TET3: variants seen among roughly 807,000 people sequenced by gnomAD.
TET3 encodes methylcytosine dioxygenase TET3.
TET3 carries 19 observed loss-of-function variants against 141.4 expected under a neutral mutation model. The ratio of observed to expected loss-of-function variants is 0.13; its 90% confidence interval spans 0.09 to 0.20. The LOEUF is 0.20. Ranked by LOEUF, TET3 falls within the 10% of genes least tolerant of loss-of-function variation. The probability of loss-of-function intolerance (pLI) is 1.00; values close to 1 mark genes in which losing one functional copy is unlikely to be tolerated. For missense variants in TET3, 1,874 were observed against 2,356.9 expected (o/e 0.80, Z 4.24); for synonymous variants, 1,043 against 980.9 (o/e 1.06, Z -1.18).
At chr2:74,014,560 TTTC>T (rs1248635837) in intron 3 of TET3, among the ~76,000 whole-genome samples, 1 of 152,198 alleles carries the variant, frequency 6.6e-6, no homozygotes, top group Non-Finnish European at 1.5e-5. Context: ...GGAATTTTTT[TTTC>T]TTTTTCTTTT....
rs142530687 is a variant in TET3, at chr2:74,017,375, T to G, written c.360+14209T>G. On this transcript the variant is annotated intron_variant, in intron 3 of 11. Transcript: ENST00000409262. Reference sequence around the variant, plus strand: ...GTGCTGTTTAATGTGTTAACCAACCTTTGGGTATTTCCCCTGCACCCCTGC... The same window carrying G: ...GTGCTGTTTAATGTGTTAACCAACCGTTGGGTATTTCCCCTGCACCCCTGC... Among the ~76,000 whole-genome samples, 14 of 152,302 alleles carry G rather than the reference T, an allele frequency of 9.2e-5. 1 individual carries two copies. The East Asian group carries it at 2.5e-3, about 27-fold the overall frequency.
At chr2:74,012,379 C>CT (rs1291416184) in intron 3 of TET3, among the ~76,000 whole-genome samples, 1 of 152,252 alleles carries the variant, frequency 6.6e-6, no homozygotes, top group Non-Finnish European at 1.5e-5. Context: ...TTGTAGCACA[C>CT]TTTCCTCTGT....
intron 4 of TET3, among the ~76,000 whole-genome samples, chr2:74,061,857 T>A (rs1688609280): frequency 7.7e-6 from 1 of 129,072 alleles, no homozygotes; most frequent in Non-Finnish European, 1.6e-5. Flanking sequence ...ACTTCCTACA[T>A]GGGATGGCGG....
At chr2:73,994,228 CAG>C (rs1684467845) in intron 2 of TET3, among the ~76,000 whole-genome samples, 1 of 152,136 alleles carries the variant, frequency 6.6e-6, no homozygotes, top group Non-Finnish European at 1.5e-5. Flanking sequence ...TGAAATCTGT[CAG>C]AGTGGTCACA....
At chr2:74,032,407 G>T (rs993162361) in intron 3 of TET3, among the ~76,000 whole-genome samples, 3 of 91,822 alleles carry the variant, frequency 3.3e-5, no homozygotes, top group African/African-American at 1.9e-4. Context: ...CGTGCACCAT[G>T]GGGCTTGGGC....
rs377022405 is a variant in TET3 at position 74,066,505 on chromosome 2, A to T, written c.2495-7044A>T. Among the ~76,000 whole-genome samples the T allele has an allele frequency of 1.6e-4, 25 of 152,330 alleles. 1 individual carries two copies. The East Asian group carries it at 3.7e-3, about 22-fold the overall frequency. ...ATTTGTACATGTATACTAGTTTGAT[A>T]ACTTTGTTGTAAGTCAGCAACTTTG... On this transcript the variant is annotated intron_variant, in intron 4 of 11. Transcript: ENST00000409262.
At chr2:74,033,344 G>T (rs1282986353) in intron 3 of TET3, among the ~76,000 whole-genome samples, 1 of 152,150 alleles carries the variant, frequency 6.6e-6, no homozygotes, top group Non-Finnish European at 1.5e-5. Flanking sequence ...GAATTGAACT[G>T]TTAAATTGGG....
rs1321504795 is a variant in TET3, at chr2:74,061,839, C to A, written c.2495-11710C>A. Among the ~76,000 whole-genome samples the A allele has an allele frequency of 2.9e-5, 4 of 138,660 alleles. No homozygotes were observed. The South Asian group carries it at 8.8e-4, about 30-fold the overall frequency. 91.0% of individuals were successfully genotyped at this position (138,660 alleles called of 152,430 possible). On this transcript the variant is annotated intron_variant, in intron 4 of 11. Coordinates refer to ENST00000409262, the MANE Select transcript of TET3 (RefSeq NM_001287491.2). ...CAGACGATGGGCGGCCGGGCAGAGA[C>A]GCTCCTCACTTCCTACATGGGATGG...
At position 74,047,263 on chromosome 2, in the gene TET3, C is replaced by T; in HGVS notation, c.1346C>T (p.Ser449Phe). 1 of 1,614,040 alleles carries T rather than the reference C, an allele frequency of 6.2e-7. No individual in the cohort carries two copies. Among genetic ancestry groups the T allele is most frequent in the Non-Finnish European group, 8.5e-7 (1 of 1,179,904 alleles). ...ACCCCTCCAGCAACGCCCCGGAGCT[C>T]CTGGCCCATGCCTCGCCCAAGCCCC... Reference protein sequence around the residue: ...TDTPPATPRSSWPMPRPSPDP... With the variant: ...TDTPPATPRSFWPMPRPSPDP... Residue 449 changes from serine (S) to phenylalanine (F), a missense_variant, in exon 4 of 12, where the codon TCC (serine) becomes TTC (phenylalanine). Around this residue, in one of 10 missense-constraint regions of TET3, gnomAD observed 484 missense variants for 462.2 expected, o/e 1.05. Transcript: ENST00000409262.
In TET3 at chr2:74,047,413, C is replaced by G. The variant is rs200362611; in HGVS notation, c.1496C>G (p.Pro499Arg). Residue 499 changes from proline to arginine, a missense_variant, in exon 4 of 12, where the codon CCG becomes CGG. This residue lies in a region of TET3 where 484 missense variants were observed against 462.2 expected (regional missense o/e 1.05). Transcript: ENST00000409262. Reference protein sequence around the residue: ...KVKVEAPSSSPAPAPSPVLQR... With the variant: ...KVKVEAPSSSRAPAPSPVLQR... ...AAGGTGGAGGCACCCTCTTCCTCCC[C>G]GGCCCCGGCCCCATCCCCTGTACTT... The G allele has an allele frequency of 9.9e-5, 160 of 1,612,572 alleles. No homozygotes were observed. The East Asian group carries it at 2.8e-3, about 28-fold the overall frequency.
At chr2:74,012,704 C>T (rs1685523387) in intron 3 of TET3, among the ~76,000 whole-genome samples, 1 of 152,198 alleles carries the variant, frequency 6.6e-6, no homozygotes. Flanking sequence ...GAGTAGAGGA[C>T]ATCCTTTTCC....
At position 74,046,218 on chromosome 2, in the gene TET3, A is replaced by C; in HGVS notation, c.361-60A>C. ...GCACCTGAGTGGTATGAAGCAGGGA[A>C]ATGCTTTTCAAATAGTGTGGTTCAT... On this transcript the variant is annotated intron_variant, in intron 3 of 11. Coordinates refer to ENST00000409262, the MANE Select transcript of TET3 (RefSeq NM_001287491.2). This position sits in a 1 kb window ranked among gnomAD's most constrained non-coding sequence, Gnocchi z 4.3. The C allele has an allele frequency of 7.0e-7, 1 of 1,435,786 alleles. No homozygotes were observed. The highest frequency in any genetic ancestry group is 1.4e-5 in the African/African-American group (1 of 70,232). 88.9% of individuals were successfully genotyped at this position (1,435,786 alleles called of 1,614,324 possible).
chr2:74,110,399 G>A (rs973025818), downstream of TET3, among the ~76,000 whole-genome samples: 3 of 152,120 alleles, frequency 2.0e-5, no homozygotes, highest in African/African-American at 7.2e-5. Flanking sequence ...TCTTAAGCTT[G>A]GAGAGCTGTT....
rs746535096 is a variant in TET3 at position 74,090,056 on chromosome 2, A to T, written c.3039+9A>T. ...GGGACAATCCCAAAGAGGTGAGCAG[A>T]GCTGGGCGGGGACCCTGCCTCCCAT... On this transcript the variant is annotated intron_variant, in intron 8 of 11. Coordinates refer to ENST00000409262, the MANE Select transcript of TET3 (RefSeq NM_001287491.2). 7 of 1,613,402 alleles carry T rather than the reference A, an allele frequency of 4.3e-6. No homozygotes were observed. Among genetic ancestry groups the T allele is most frequent in the Admixed American group, 3.3e-5 (2 of 59,986 alleles).
chr2:74,105,700 AG>A lies in TET3; in HGVS notation c.*3525del, dbSNP rs1691457345. ...GAGCAAGGGATTTTTAAAGCGCTAAAGCAAGGAAAGAAGTAGCAGAGCTTAA... is the reference window on the plus strand; with the variant it reads ...GAGCAAGGGATTTTTAAAGCGCTAAACAAGGAAAGAAGTAGCAGAGCTTAA... On this transcript the variant is annotated 3_prime_UTR_variant, in exon 12 of 12. Coordinates refer to ENST00000409262, the MANE Select transcript of TET3 (RefSeq NM_001287491.2). 1 of 1,114 alleles carries A rather than the reference AG, an allele frequency of 9.0e-4. No individual in the cohort carries two copies. Among genetic ancestry groups the A allele is most frequent in the Non-Finnish European group, 6.8e-3 (1 of 148 alleles). The allele number at this position is 1,114 out of a possible 1,614,324, so 0.1% of individuals were successfully genotyped here.
At chr2:74,092,432 G>C (rs759501057) in intron 8 of TET3, among the ~76,000 whole-genome samples, 1 of 152,010 alleles carries the variant, frequency 6.6e-6, no homozygotes, top group African/African-American at 2.4e-5. Context: ...GACAGGCTCT[G>C]GGCTGGGCTG....
chr2:73,990,901 G>A (rs753586383), intron 2 of TET3, among the ~76,000 whole-genome samples: 8 of 152,188 alleles, frequency 5.3e-5, no homozygotes, highest in Non-Finnish European at 8.8e-5. Flanking sequence ...AGAAGTGGAA[G>A]TGATGAGAAT....
chr2:74,019,861 C>T (rs879921185), intron 3 of TET3, among the ~76,000 whole-genome samples: 11 of 152,302 alleles, frequency 7.2e-5, no homozygotes, highest in Admixed American at 3.3e-4. Context: ...TATCCTGAGA[C>T]CCACAGCCCC....
At chr2:74,001,834 G>T (rs1258348699) in intron 2 of TET3, among the ~76,000 whole-genome samples, 1 of 152,190 alleles carries the variant, frequency 6.6e-6, no homozygotes, top group Non-Finnish European at 1.5e-5. Context: ...CTTTCCAGGA[G>T]ATGGGAAGCC....
Sources: allele counts gnomAD v4.1 joint callset (sites outside exome capture counted in the v4.1 genomes callset), GRCh38; gene constraint gnomAD v4.1.1; regional missense constraint gnomAD v4.1.1; non-coding constraint Gnocchi (gnomAD v3.1); transcripts MANE v1.5; gene names NCBI Gene and HGNC (gene_info 2026-07-23, HGNC 2026-07-21).